Variants in TBC1D4 observed in about 807,000 individuals in gnomAD.
The protein encoded by TBC1D4 is TBC (Tre-2, BUB2, CDC16) domain-containing protein.
Under a neutral mutation model 142.5 loss-of-function variants are expected in TBC1D4, and 121 were observed. The observed-to-expected ratio is 0.85, with a 90% CI of 0.73 to 0.99. TBC1D4 has a LOEUF of 0.99. Ranked by LOEUF, TBC1D4 falls within the 50% of genes least tolerant of loss-of-function variation. The pLI, the probability that TBC1D4 is intolerant of heterozygous loss-of-function variation, is 0.00. For missense variants in TBC1D4, 1,475 were observed against 1,606.6 expected, an observed-to-expected ratio of 0.92 and a Z score of 1.40; for synonymous variants, 630 against 628.2, an observed-to-expected ratio of 1.00 and a Z score of -0.04.
chr13:75,369,523 A>ACACT (rs1883110809), intron 1 of TBC1D4, among the ~76,000 whole-genome samples: 5 of 141,700 alleles, frequency 3.5e-5, no homozygotes, highest in Admixed American at 2.8e-4. Context: ...ACACACACAC[A>ACACT]CAATCAAAAT....
At chr13:75,326,861 A>G (rs545508301) in intron 9 of TBC1D4, among the ~76,000 whole-genome samples, 5 of 152,336 alleles carry the variant, frequency 3.3e-5, no homozygotes, top group African/African-American at 7.2e-5. Context: ...CTTCCGTGAC[A>G]TATCAATTGC....
At position 75,481,262 on chromosome 13, in the gene TBC1D4, T is replaced by C. The variant is rs1237321216; in HGVS notation, c.498+8A>G. The C allele has an allele frequency of 5.7e-6, 8 of 1,396,588 alleles. No homozygotes were observed. In the African/African-American group the frequency reaches 9.0e-5, roughly 16 times the overall value. The allele number at this position is 1,396,588 out of a possible 1,614,324, so 86.5% of individuals were successfully genotyped here. On this transcript the variant is annotated splice_region_variant and intron_variant, in intron 1 of 20. Transcript: ENST00000377636. The stretch of plus-strand genomic sequence containing the variant: ...GCCCGCCCCCGCGCCTCCGAGCCCC[T>C]GTCTTGCCTGGCTGGGGTCTGTGGC...
At chr13:75,463,078 T>G (rs1424828287) in intron 1 of TBC1D4, among the ~76,000 whole-genome samples, 2 of 152,134 alleles carry the variant, frequency 1.3e-5, no homozygotes, top group Non-Finnish European at 2.9e-5. Context: ...GTGACAGATG[T>G]TCTAATAACC....
At chr13:75,449,954 C>T (rs1249420583) in intron 1 of TBC1D4, among the ~76,000 whole-genome samples, 2 of 151,958 alleles carry the variant, frequency 1.3e-5, no homozygotes, top group Non-Finnish European at 2.9e-5. Context: ...CCAGTGGTAC[C>T]GTGGGGTCCT....
chr13:75,366,751 T>G (rs1307401591), intron 1 of TBC1D4, among the ~76,000 whole-genome samples: 1 of 152,180 alleles, frequency 6.6e-6, no homozygotes, highest in Non-Finnish European at 1.5e-5. Context: ...TTGGTTATCA[T>G]AGTTACTTAA....
intron 1 of TBC1D4, 108 bp downstream of exon 1, chr13:75,481,162 G>A (rs1209037913): frequency 1.2e-5 from 17 of 1,446,406 alleles, no homozygotes; most frequent in Non-Finnish European, 1.5e-5. Context: ...GCGCGCGCCT[G>A]CAGCCAAACC....
chr13:75,410,496 G>T (rs1352969908), intron 1 of TBC1D4, among the ~76,000 whole-genome samples: 1 of 152,138 alleles, frequency 6.6e-6, no homozygotes, highest in Admixed American at 6.5e-5. Flanking sequence ...AACTCCACAC[G>T]TGCTGTATTT....
At chr13:75,465,680 TG>T (rs1888137306) in intron 1 of TBC1D4, among the ~76,000 whole-genome samples, 1 of 152,096 alleles carries the variant, frequency 6.6e-6, no homozygotes, top group East Asian at 1.9e-4. Context: ...ATGATTGGGT[TG>T]GGGGGCAGGC....
intron 11 of TBC1D4, among the ~76,000 whole-genome samples, chr13:75,320,980 C>T (rs1878720851): frequency 1.3e-5 from 2 of 149,890 alleles, no homozygotes; most frequent in Admixed American, 1.3e-4. Context: ...GCGGAGCTTG[C>T]AGTGAGCTGA....
Position 75,326,224 on chromosome 13 carries a change from A to C in TBC1D4, c.2006T>G (p.Leu669Arg), listed in dbSNP as rs1246380655. ...GRAQGVRSPL[L>R]RQSSSEQCSN... ...GCACTGTTCACTGGAGCTCTGCCTCAGCAGAGGGGAACGCACACCCTGAGC... is the reference window on the plus strand; with the variant it reads ...GCACTGTTCACTGGAGCTCTGCCTCCGCAGAGGGGAACGCACACCCTGAGC... Residue 669 changes from leucine (L) to arginine (R), a missense_variant, in exon 10 of 21, where the codon CTG becomes CGG. Physicochemically the swap from Leu to Arg is moderately radical, Grantham distance 102. This residue lies in a region of TBC1D4 where 1,227 missense variants were observed against 1,267.7 expected (regional missense o/e 0.97). Coordinates refer to ENST00000377636, the MANE Select transcript of TBC1D4 (RefSeq NM_014832.5). The C allele has an allele frequency of 1.2e-6, 2 of 1,614,048 alleles. No individual in the cohort carries two copies. The highest frequency in any genetic ancestry group is 1.7e-6 in the Non-Finnish European group (2 of 1,180,024).
intron 1 of TBC1D4, among the ~76,000 whole-genome samples, chr13:75,476,727 G>C (rs986520451): frequency 6.6e-6 from 1 of 152,172 alleles, no homozygotes; most frequent in Non-Finnish European, 1.5e-5. Context: ...GAACAGAAAT[G>C]GTCATACAGC....
rs535752798 is a variant in TBC1D4, at chr13:75,284,577, T to C, written c.*2215A>G. ...GCCCACCACTGCTGTGCAGCCTGGT[T>C]CATAACAGGCCACAGACAGGTACCC... is the stretch of plus-strand genomic sequence containing the variant. On this transcript the variant is annotated 3_prime_UTR_variant, in exon 21 of 21. Transcript: ENST00000377636. The C allele has an allele frequency of 6.6e-6, 1 of 152,280 alleles. No homozygotes were observed. The highest frequency in any genetic ancestry group is 2.1e-4 in the South Asian group (1 of 4,822). The allele number at this position is 152,280 out of a possible 1,614,324, so 9.4% of individuals were successfully genotyped here. A position where few individuals can be genotyped will look rare whatever the true frequency, so the allele number is the denominator to read the frequency against.
intron 1 of TBC1D4, among the ~76,000 whole-genome samples, chr13:75,388,160 T>C (rs1884286492): frequency 6.6e-6 from 1 of 152,224 alleles, no homozygotes; most frequent in South Asian, 2.1e-4. Flanking sequence ...CTCTTCCCTG[T>C]TAAGAACTCT....
chr13:75,472,106 CA>C (rs59823952), intron 1 of TBC1D4, among the ~76,000 whole-genome samples: 116,909 of 121,970 alleles, frequency 0.96, 55,992 homozygotes, highest in East Asian at 0.99. Context: ...GACTCTGTCT[CA>C]AAAAAAAAAA....
chr13:75,364,647 C>T (rs945197637), intron 1 of TBC1D4, among the ~76,000 whole-genome samples: 3 of 152,216 alleles, frequency 2.0e-5, no homozygotes, highest in Non-Finnish European at 4.4e-5. Context: ...GACACTCAAC[C>T]GTGCAAACCT....
At chr13:75,361,290 G>A (rs1333463959) in intron 2 of TBC1D4, among the ~76,000 whole-genome samples, 1 of 152,074 alleles carries the variant, frequency 6.6e-6, no homozygotes, top group Non-Finnish European at 1.5e-5. Flanking sequence ...CAAGTCTCTG[G>A]AGTTTTTTCT....
In TBC1D4 at chr13:75,402,849, G is replaced by A. The variant is rs567252894; in HGVS notation, c.499-40242C>T. On this transcript the variant is annotated intron_variant, in intron 1 of 20. Transcript: ENST00000377636. ...TTTTTAATATCTAAAAATAGACACT[G>A]CCTAAGCACAAAAAGCAAAAATAGA... Among the ~76,000 whole-genome samples the A allele has an allele frequency of 3.3e-5, 5 of 152,250 alleles. No homozygotes were observed. The East Asian group carries it at 9.6e-4, about 29-fold the overall frequency.
At chr13:75,363,029 A>C (rs1376218129) in intron 1 of TBC1D4, among the ~76,000 whole-genome samples, 1 of 152,224 alleles carries the variant, frequency 6.6e-6, no homozygotes, top group East Asian at 1.9e-4. Flanking sequence ...CCTCATCAGC[A>C]TTAACTATCA....
chr13:75,479,557 T>C lies in TBC1D4; in HGVS notation c.498+1713A>G, dbSNP rs564953548. Among the ~76,000 whole-genome samples the C allele has an allele frequency of 2.8e-3, 417 of 151,612 alleles. 7 individuals are homozygous for C. Among genetic ancestry groups the C allele is most frequent in the Admixed American group, 0.025 (374 of 15,232 alleles). On this transcript the variant is annotated intron_variant, in intron 1 of 20. Coordinates refer to ENST00000377636, the MANE Select transcript of TBC1D4 (RefSeq NM_014832.5). ...GAACTAAAGGTGCCAGGACCATCAATGAGATTAGCAACAATGTGTCATGCA... is the reference window on the plus strand; with the variant it reads ...GAACTAAAGGTGCCAGGACCATCAACGAGATTAGCAACAATGTGTCATGCA...
Sources: allele counts gnomAD v4.1 joint callset (sites outside exome capture counted in the v4.1 genomes callset), GRCh38; gene constraint gnomAD v4.1.1; regional missense constraint gnomAD v4.1.1; transcripts MANE v1.5; gene names NCBI Gene and HGNC (gene_info 2026-07-23, HGNC 2026-07-21).